The following IPP variants were observed in gnomAD, a reference collection of about 807,000 sequenced individuals.
IPP encodes the protein actin-binding protein IPP.
Under a neutral mutation model 64.1 loss-of-function variants are expected in IPP, and 41 were observed. That is an observed-to-expected ratio of 0.64 (90% CI 0.50 to 0.83). The LOEUF (loss-of-function observed/expected upper bound fraction) is 0.83. Ranked by LOEUF, IPP falls within the 40% of genes least tolerant of loss-of-function variation. The probability of loss-of-function intolerance (pLI) is 0.00; values close to 1 mark genes in which losing one functional copy is unlikely to be tolerated. For missense variants in IPP, 649 were observed against 703.0 expected (o/e 0.92, Z 0.87); for synonymous variants, 214 against 235.2 (o/e 0.91, Z 0.83).
chr1:45,702,936 G>C (rs1645473440), intron 8 of IPP, among the ~76,000 whole-genome samples: 1 of 152,008 alleles, frequency 6.6e-6, no homozygotes, highest in Non-Finnish European at 1.5e-5. Flanking sequence ...TCAGAAATGA[G>C]AATCAAAATC....
At position 45,738,841 on chromosome 1, in the gene IPP, A is replaced by AAAACAAAAAAAAC. The variant is rs545821187; in HGVS notation, c.724+2059_724+2060insGTTTTTTTTGTTT. 6.5e-4 allele frequency among the ~76,000 whole-genome samples: 50 copies of AAAACAAAAAAAAC among 77,304 alleles called. 1 individual carries two copies. Among genetic ancestry groups the AAAACAAAAAAAAC allele is most frequent in the East Asian group, 2.6e-3 (6 of 2,278 alleles). The allele number at this position is 77,304 out of a possible 152,430, so 50.7% of individuals were successfully genotyped here. A position where few individuals can be genotyped will look rare whatever the true frequency, so the allele number is the denominator to read the frequency against. On this transcript the variant is annotated intron_variant, in intron 3 of 8. Coordinates refer to ENST00000396478, the MANE Select transcript of IPP (RefSeq NM_005897.3). ...GGTGACAGAGCAAGACTCCATCTCA[A>AAAACAAAAAAAAC]AAAAAAAAAAAAAAAAAAAAAAAAC...
intron 4 of IPP, among the ~76,000 whole-genome samples, chr1:45,729,081 G>A: frequency 6.7e-6 from 1 of 149,396 alleles, no homozygotes; most frequent in Non-Finnish European, 1.5e-5. Flanking sequence ...AGGAGGCAGA[G>A]ATTGCAGTGA....
chr1:45,701,226 T>G (rs1029541634), intron 8 of IPP, among the ~76,000 whole-genome samples: 7 of 152,248 alleles, frequency 4.6e-5, no homozygotes, highest in African/African-American at 1.7e-4. Flanking sequence ...CTGTTATACA[T>G]CATTCCCTGA....
At chr1:45,735,932 A>C (rs1645974753) in intron 3 of IPP, among the ~76,000 whole-genome samples, 1 of 151,712 alleles carries the variant, frequency 6.6e-6, no homozygotes, top group South Asian at 2.1e-4. Flanking sequence ...TAACATGGTG[A>C]AACCCTGTCT....
intron 3 of IPP, among the ~76,000 whole-genome samples, chr1:45,736,128 T>A (rs28465338): frequency 2.7e-5 from 4 of 147,812 alleles, no homozygotes; most frequent in Non-Finnish European, 3.0e-5. Flanking sequence ...AAAAAAAAAA[T>A]TTTTTTTTGT....
chr1:45,725,195 C>T (rs1570003341), intron 5 of IPP, among the ~76,000 whole-genome samples: 2 of 128,400 alleles, frequency 1.6e-5, no homozygotes, highest in South Asian at 2.5e-4. Context: ...CCAGCCGCCC[C>T]GTCCGGGAGG....
In IPP at chr1:45,698,712, T is replaced by TTTTTC; in HGVS notation, c.*1249_*1253dup. 5.3e-6 allele frequency: 4 copies of TTTTTC among 749,812 alleles called. No homozygotes were observed. The highest frequency in any genetic ancestry group is 6.0e-6 in the Non-Finnish European group (4 of 667,108). 46.4% of individuals were successfully genotyped at this position (749,812 alleles called of 1,614,324 possible). Reference sequence around the variant, plus strand: ...AATCTAGCAAAAAAGGAAGAATTTTTTTTTCTTTTTTTTTTTTTTTTTTTG... The same window carrying TTTTTC: ...AATCTAGCAAAAAAGGAAGAATTTTTTTTTCTTTTCTTTTTTTTTTTTTTTTTTTG... On this transcript the variant is annotated 3_prime_UTR_variant, in exon 9 of 9. Coordinates refer to ENST00000396478, the MANE Select transcript of IPP (RefSeq NM_005897.3).
At chr1:45,698,596 G>C, downstream of IPP, 1 of 766,434 alleles carries the variant, frequency 1.3e-6, no homozygotes, top group Non-Finnish European at 1.6e-6. Context: ...CTCTTACTTA[G>C]GTTTGCCCAA....
intron 3 of IPP, among the ~76,000 whole-genome samples, chr1:45,732,357 A>G: frequency 6.9e-6 from 1 of 145,258 alleles, no homozygotes; most frequent in Non-Finnish European, 1.5e-5. Context: ...GCGAGACTCC[A>G]CCTCAAAAAA....
chr1:45,732,276 C>T (rs28490344), intron 3 of IPP, among the ~76,000 whole-genome samples: 42,670 of 145,512 alleles, frequency 0.29, 6,221 homozygotes, highest in South Asian at 0.38. Flanking sequence ...CAGGGAGAAC[C>T]GCTTGAACCC....
chr1:45,723,967 T>G, intron 5 of IPP, among the ~76,000 whole-genome samples: 1 of 139,452 alleles, frequency 7.2e-6, no homozygotes, highest in African/African-American at 2.6e-5. Flanking sequence ...TTCCTCTCCC[T>G]CTCCCCCTCC....
chr1:45,699,770 CT>C lies in IPP; in HGVS notation c.*195del. ...CTCAAATTCCTGGGCTCAAGTGATCCTTCTGCCTCAGCCTTCCAAAGTGCTG... is the reference window on the plus strand; with the variant it reads ...CTCAAATTCCTGGGCTCAAGTGATCCTCTGCCTCAGCCTTCCAAAGTGCTG... On this transcript the variant is annotated 3_prime_UTR_variant, in exon 9 of 9. Transcript: ENST00000396478. The C allele has an allele frequency of 7.3e-7, 1 of 1,361,150 alleles. No individual in the cohort carries two copies. The highest frequency in any genetic ancestry group is 9.6e-7 in the Non-Finnish European group (1 of 1,045,596). The allele number at this position is 1,361,150 out of a possible 1,614,324, so 84.3% of individuals were successfully genotyped here. A position where few individuals can be genotyped will look rare whatever the true frequency, so the allele number is the denominator to read the frequency against.
chr1:45,744,567 G>A (rs376734335), intron 2 of IPP, among the ~76,000 whole-genome samples: 78 of 152,164 alleles, frequency 5.1e-4, no homozygotes, highest in Non-Finnish European at 1.1e-3. Flanking sequence ...TTGGCTAGGC[G>A]TAGTGGCTCA....
At chr1:45,707,598 C>G (rs1645528680) in intron 8 of IPP, among the ~76,000 whole-genome samples, 1 of 152,088 alleles carries the variant, frequency 6.6e-6, no homozygotes, top group Middle Eastern at 3.4e-3. Flanking sequence ...GGATTGGACA[C>G]TGCGAACTAG....
At chr1:45,748,643 G>A (rs1450656826) in intron 1 of IPP, among the ~76,000 whole-genome samples, 1 of 152,152 alleles carries the variant, frequency 6.6e-6, no homozygotes, top group Non-Finnish European at 1.5e-5. Context: ...CTGCACTCCA[G>A]CCTGGACAAC....
chr1:45,738,044 T>C (rs1222197470), intron 3 of IPP, among the ~76,000 whole-genome samples: 1 of 152,206 alleles, frequency 6.6e-6, no homozygotes, highest in African/African-American at 2.4e-5. Context: ...AGGTATGTAT[T>C]TATAGGAAAA....
rs748801431 is a variant in IPP at position 45,741,224 on chromosome 1, A to G, written c.401T>C (p.Ile134Thr). 2.5e-6 allele frequency: 4 copies of G among 1,614,164 alleles called. No homozygotes were observed. Among genetic ancestry groups the G allele is most frequent in the Non-Finnish European group, 3.4e-6 (4 of 1,180,000 alleles). The change falls in exon 3 of 9, where the codon ATT (isoleucine) becomes ACT (threonine). Residue 134 changes from isoleucine to threonine, a missense_variant. By Grantham distance (89) the Ile-to-Thr change is moderately conservative (BLOSUM62 -1). Transcript: ENST00000396478. Reference protein sequence around the residue: ...HLCCEFLKGQIDPLNCIGIFQ... With the variant: ...HLCCEFLKGQTDPLNCIGIFQ... ...AATTCCAATGCAGTTCAGTGGATCA[A>G]TTTGTCCTTTCAGAAATTCACAGCA...
At chr1:45,737,457 C>CT (rs778748035) in intron 3 of IPP, among the ~76,000 whole-genome samples, 1,439 of 121,224 alleles carry the variant, frequency 0.012, 25 homozygotes, top group Middle Eastern at 0.035. Flanking sequence ...ATAAACAATT[C>CT]TTTTTTTTTT....
At chr1:45,727,292 C>G (rs546922218) in intron 5 of IPP, among the ~76,000 whole-genome samples, 3 of 152,088 alleles carry the variant, frequency 2.0e-5, no homozygotes, top group African/African-American at 7.2e-5. Flanking sequence ...TCAAGTGATC[C>G]GCCTGCCTTG....
Sources: gnomAD v4.1 joint callset for allele counts (sites outside exome capture counted in the v4.1 genomes callset) on GRCh38, gnomAD v4.1.1 for gene constraint, MANE v1.5 for transcripts, NCBI Gene and HGNC (gene_info 2026-07-23, HGNC 2026-07-21) for gene names.